CCDC81: variants seen among roughly 807,000 people sequenced by gnomAD.
The protein encoded by CCDC81 is coiled-coil domain-containing protein 81.
Under a neutral mutation model 83.7 loss-of-function variants are expected in CCDC81, and 79 were observed. That is an observed-to-expected ratio of 0.94 (90% CI 0.79 to 1.14). The LOEUF (loss-of-function observed/expected upper bound fraction) is 1.14. CCDC81 is among the 50% of genes most tolerant of loss of function. The pLI is 0.00. For synonymous variants in CCDC81, 252 were observed against 278.1 expected, an observed-to-expected ratio of 0.91 and a Z score of 0.93; for missense variants, 791 against 778.1, an observed-to-expected ratio of 1.02 and a Z score of -0.20.
chr11:86,380,102 T>C (rs1948157753), intron 1 of CCDC81, among the ~76,000 whole-genome samples: 1 of 152,064 alleles, frequency 6.6e-6, no homozygotes, highest in African/African-American at 2.4e-5. Flanking sequence ...TCCTTTTTTC[T>C]GAGGAACATC....
chr11:86,389,359 A>G (rs1482596736), intron 3 of CCDC81, among the ~76,000 whole-genome samples: 1 of 152,192 alleles, frequency 6.6e-6, no homozygotes, highest in Non-Finnish European at 1.5e-5. Context: ...TTAACTAGGT[A>G]ACTGTATTAG....
At position 86,420,006 on chromosome 11, in the gene CCDC81, T is replaced by G. The variant is rs142431735; in HGVS notation, c.1770T>G (p.Ser590Arg). Reference sequence around the variant, plus strand: ...GCTTACAGGAGGACTGGGAAAGGAGTGCTGCGATGAAGAAGCAGCGAGACC... The same window carrying G: ...GCTTACAGGAGGACTGGGAAAGGAGGGCTGCGATGAAGAAGCAGCGAGACC... ...NQCLQEDWER[S>R]AAMKKQRDLE... The change falls in exon 14 of 15, where the codon AGT (serine) becomes AGG (arginine). Residue 590 changes from serine (S) to arginine (R), a missense_variant. Ser to Arg is a moderately radical substitution (Grantham distance 110). Coordinates refer to ENST00000445632, the MANE Select transcript of CCDC81 (RefSeq NM_001156474.2). 82 of 1,613,604 alleles carry G rather than the reference T, an allele frequency of 5.1e-5. No homozygotes were observed. Among genetic ancestry groups the G allele is most frequent in the Non-Finnish European group, 6.9e-5 (81 of 1,179,884 alleles).
intron 5 of CCDC81, among the ~76,000 whole-genome samples, chr11:86,396,601 C>A (rs1455529478): frequency 1.3e-5 from 2 of 152,200 alleles, no homozygotes; most frequent in Non-Finnish European, 2.9e-5. Flanking sequence ...CCTGGAAGAG[C>A]TGTATGACAC....
At chr11:86,397,488 G>C in intron 5 of CCDC81, 133 bp from the exon 6 acceptor site, 1 of 1,031,590 alleles carries the variant, frequency 9.7e-7, no homozygotes, top group Non-Finnish European at 1.4e-6. Context: ...GCACATCAGA[G>C]CACTCACCCC....
rs1824440719 is a variant in CCDC81 at position 86,392,529 on chromosome 11, T to C, written c.299-12T>C. The C allele has an allele frequency of 6.5e-7, 1 of 1,548,672 alleles. No individual in the cohort carries two copies. Among genetic ancestry groups the C allele is most frequent in the South Asian group, 1.2e-5 (1 of 83,648 alleles). Reference sequence around the variant, plus strand: ...TTTCTTTCTCCCACCCCAACTGTCTTTTCTCCTTTAGGTGAAATCCCAATT... The same window carrying C: ...TTTCTTTCTCCCACCCCAACTGTCTCTTCTCCTTTAGGTGAAATCCCAATT... On this transcript the variant is annotated splice_polypyrimidine_tract_variant and intron_variant, in intron 3 of 14. Transcript: ENST00000445632.
At chr11:86,389,911 C>G (rs1948300221) in intron 3 of CCDC81, among the ~76,000 whole-genome samples, 1 of 152,106 alleles carries the variant, frequency 6.6e-6, no homozygotes. Flanking sequence ...TGAGACCATC[C>G]TGGCCAACAT....
At chr11:86,388,728 C>T (rs1052340218) in intron 3 of CCDC81, among the ~76,000 whole-genome samples, 4 of 151,662 alleles carry the variant, frequency 2.6e-5, no homozygotes, top group Non-Finnish European at 1.5e-5. Flanking sequence ...TTTGTTTCTC[C>T]CTTTCATGGG....
chr11:86,375,019 G>A lies in CCDC81; in HGVS notation c.-145G>A, dbSNP rs528208832. ...GAAGAAAAAGAGTCAAGAAGTTCAA[G>A]ATTTTCGTCACTCTTATTTTTAAGG... On this transcript the variant is annotated 5_prime_UTR_variant, in exon 1 of 15. Transcript: ENST00000445632. 34 of 758,166 alleles carry A rather than the reference G, an allele frequency of 4.5e-5. No homozygotes were observed. Among genetic ancestry groups the A allele is most frequent in the Non-Finnish European group, 7.3e-5 (31 of 423,720 alleles). 47.0% of individuals were successfully genotyped at this position (758,166 alleles called of 1,614,324 possible).
In CCDC81 at chr11:86,397,643, A is replaced by G; in HGVS notation, c.658A>G (p.Asn220Asp). The G allele has an allele frequency of 6.2e-7, 1 of 1,613,068 alleles. No individual in the cohort carries two copies. The highest frequency in any genetic ancestry group is 8.5e-7 in the Non-Finnish European group (1 of 1,179,582). The change falls in exon 6 of 15, where the codon AAC becomes GAC. Residue 220 changes from asparagine to aspartate, a missense_variant. By Grantham distance (23) the Asn-to-Asp change is conservative. Coordinates refer to ENST00000445632, the MANE Select transcript of CCDC81 (RefSeq NM_001156474.2). Reference sequence around the variant, plus strand: ...TAGGATTGAGCTCAAGGAGATGGAAAACAAACTGCCTATGGAGACCCTTGT... The same window carrying G: ...TAGGATTGAGCTCAAGGAGATGGAAGACAAACTGCCTATGGAGACCCTTGT... ...FPRIELKEME[N>D]KLPMETLVEE... is the part of the protein sequence containing the mutation.
intron 7 of CCDC81, among the ~76,000 whole-genome samples, chr11:86,402,058 C>T (rs1030938391): frequency 2.1e-5 from 3 of 143,430 alleles, no homozygotes; most frequent in Admixed American, 1.5e-4. Flanking sequence ...TGGCGTGAAC[C>T]CGGGAGGTGG....
At chr11:86,382,115 T>C (rs1948185078) in intron 1 of CCDC81, among the ~76,000 whole-genome samples, 1 of 152,290 alleles carries the variant, frequency 6.6e-6, no homozygotes, top group South Asian at 2.1e-4. Flanking sequence ...ATATTAAGGA[T>C]GTTGACCTTT....
chr11:86,400,755 A>G lies in CCDC81; in HGVS notation c.835A>G (p.Lys279Glu). The change falls in exon 7 of 15, where the codon AAG becomes GAG. Residue 279 changes from lysine (K) to glutamate (E), a missense_variant. By Grantham distance (56) the Lys-to-Glu change is moderately conservative. Transcript: ENST00000445632. ...AKVTNVSLLE[K>E]FERSESGGKI... ...AGTGACAAATGTCAGCTTGCTGGAA[A>G]AGTTTGAACGAAGTGAGAGTGGTGG... is the stretch of plus-strand genomic sequence containing the variant. 1 of 1,613,284 alleles carries G rather than the reference A, an allele frequency of 6.2e-7. No homozygotes were observed. Among genetic ancestry groups the G allele is most frequent in the Admixed American group, 1.7e-5 (1 of 60,016 alleles).
intron 6 of CCDC81, among the ~76,000 whole-genome samples, chr11:86,399,093 T>C (rs559161270): frequency 2.6e-5 from 4 of 152,336 alleles, no homozygotes; most frequent in South Asian, 2.1e-4. Flanking sequence ...TAAAATCTAT[T>C]GGCTGTTAAA....
intron 7 of CCDC81, among the ~76,000 whole-genome samples, chr11:86,403,600 T>C (rs1029524030): frequency 5.3e-5 from 8 of 152,160 alleles, no homozygotes; most frequent in Non-Finnish European, 8.8e-5. Context: ...AAGGCAGTAG[T>C]CTAGGCAATC....
In CCDC81 at chr11:86,422,652, C is replaced by T. The variant is rs1948809897; in HGVS notation, c.1896C>T (p.Asn632=). 2.5e-6 allele frequency: 4 copies of T among 1,614,072 alleles called. No individual in the cohort carries two copies. Among genetic ancestry groups the T allele is most frequent in the South Asian group, 1.1e-5 (1 of 91,084 alleles). ...RCKQCQRRTS[N]VGESNLWPLN... is the part of the protein sequence containing the mutation. ...AGCAATGCCAGAGGCGCACCTCCAACGTGGGCGAGAGCAACCTGTGGCCCC... is the reference window on the plus strand; with the variant it reads ...AGCAATGCCAGAGGCGCACCTCCAATGTGGGCGAGAGCAACCTGTGGCCCC... The change falls in exon 15 of 15, where the codon AAC becomes AAT. Residue 632 remains asparagine, a synonymous_variant. Transcript: ENST00000445632.
At chr11:86,378,598 A>C (rs1041329264) in intron 1 of CCDC81, among the ~76,000 whole-genome samples, 1 of 152,128 alleles carries the variant, frequency 6.6e-6, no homozygotes, top group African/African-American at 2.4e-5. Flanking sequence ...TAATGGATTC[A>C]TTTATCTCTT....
At position 86,400,817 on chromosome 11, in the gene CCDC81, T is replaced by C. The variant is rs1353545438; in HGVS notation, c.881+16T>C. On this transcript the variant is annotated intron_variant, in intron 7 of 14. Transcript: ENST00000445632. ...CCCCTGAAAGGTAATGCATTGACTT[T>C]TTTTTTTCTGTTGTACTTTACTAAA... is the stretch of plus-strand genomic sequence containing the variant. The C allele has an allele frequency of 6.3e-7, 1 of 1,576,964 alleles. No homozygotes were observed. Among genetic ancestry groups the C allele is most frequent in the Non-Finnish European group, 8.7e-7 (1 of 1,155,486 alleles).
Position 86,400,748 on chromosome 11 carries a change from G to A in CCDC81, c.828G>A (p.Leu276=). 6.2e-7 allele frequency: 1 copy of A among 1,613,154 alleles called. No individual in the cohort carries two copies. Among genetic ancestry groups the A allele is most frequent in the Non-Finnish European group, 8.5e-7 (1 of 1,179,264 alleles). The change falls in exon 7 of 15, where the codon TTG becomes TTA. Residue 276 remains leucine, a synonymous_variant. Coordinates refer to ENST00000445632, the MANE Select transcript of CCDC81 (RefSeq NM_001156474.2). The stretch of plus-strand genomic sequence containing the variant: ...CTGCCAAAGTGACAAATGTCAGCTT[G>A]CTGGAAAAGTTTGAACGAAGTGAGA... ...LFPAKVTNVS[L]LEKFERSESG...
At chr11:86,392,401 T>C in intron 3 of CCDC81, 140 bp from the exon 4 acceptor site, 1 of 937,696 alleles carries the variant, frequency 1.1e-6, no homozygotes, top group Non-Finnish European at 1.6e-6. Flanking sequence ...AATATTACAT[T>C]GGGTACAACT....
Sources: allele counts gnomAD v4.1 joint callset (sites outside exome capture counted in the v4.1 genomes callset), GRCh38; gene constraint gnomAD v4.1.1; transcripts MANE v1.5; gene names NCBI Gene and HGNC (gene_info 2026-07-23, HGNC 2026-07-21).